Variants in UNC5C observed in about 807,000 individuals in gnomAD.
UNC5C encodes unc-5 netrin receptor C.
UNC5C carries 47 observed loss-of-function variants against 99.8 expected under a neutral mutation model. That is an observed-to-expected ratio of 0.47 (90% CI 0.37 to 0.60). UNC5C has a LOEUF of 0.60. Among genes scored for constraint, UNC5C ranks in the 20% least tolerant of loss-of-function variants. The probability of loss-of-function intolerance (pLI) is 0.00; values close to 1 mark genes in which losing one functional copy is unlikely to be tolerated. For synonymous variants in UNC5C, 487 were observed against 452.2 expected (o/e 1.08, Z -0.98); for missense variants, 1,062 against 1,165.9 (o/e 0.91, Z 1.30).
At chr4:95,179,782 T>TAATA (rs889117278) in intron 14 of UNC5C, among the ~76,000 whole-genome samples, 1 of 150,042 alleles carries the variant, frequency 6.7e-6, no homozygotes, top group Non-Finnish European at 1.5e-5. Context: ...GATGACTGAC[T>TAATA]AATAAATACT....
intron 1 of UNC5C, among the ~76,000 whole-genome samples, chr4:95,421,759 C>T (rs1200032101): frequency 2.0e-5 from 3 of 152,226 alleles, no homozygotes; most frequent in East Asian, 3.9e-4. Flanking sequence ...TAACACTCTT[C>T]TTACTGTGTT....
intron 1 of UNC5C, among the ~76,000 whole-genome samples, chr4:95,407,474 C>A (rs1745862630): frequency 6.6e-6 from 1 of 151,934 alleles, no homozygotes; most frequent in African/African-American, 2.4e-5. Context: ...GAAGCTAAAA[C>A]CAATCATGCT....
intron 3 of UNC5C, among the ~76,000 whole-genome samples, chr4:95,300,888 A>G (rs1741842428): frequency 6.6e-6 from 1 of 152,218 alleles, no homozygotes; most frequent in Non-Finnish European, 1.5e-5. Flanking sequence ...TGATAGTACA[A>G]CAGGGTGACT....
intron 1 of UNC5C, among the ~76,000 whole-genome samples, chr4:95,431,147 A>C (rs1417642133): frequency 6.6e-6 from 1 of 151,980 alleles, no homozygotes; most frequent in Non-Finnish European, 1.5e-5. Flanking sequence ...CTCCCATGCG[A>C]CCTTCAGCTC....
chr4:95,448,217 TGTGTGTGTGTGA>T (rs1181583283), intron 1 of UNC5C, among the ~76,000 whole-genome samples: 3 of 88,446 alleles, frequency 3.4e-5, no homozygotes, highest in African/African-American at 1.2e-4. Flanking sequence ...TGTGTGTGTG[TGTGTGTGTGTGA>T]GAGAGAGAGA....
At chr4:95,477,404 A>G (rs551256634) in intron 1 of UNC5C, among the ~76,000 whole-genome samples, 1 of 152,204 alleles carries the variant, frequency 6.6e-6, no homozygotes, top group Admixed American at 6.6e-5. Context: ...ATATCTAAGA[A>G]AAAATGTCAG....
chr4:95,203,556 G>A lies in UNC5C; in HGVS notation c.1903-592C>T, dbSNP rs550106428. On this transcript the variant is annotated intron_variant, in intron 11 of 15. Transcript: ENST00000453304. Reference sequence around the variant, plus strand: ...AAGATCTCAGCCCACTGCAACCTCCGTCCCCTAGGCCCAAGTGATCCCCCA... The same window carrying A: ...AAGATCTCAGCCCACTGCAACCTCCATCCCCTAGGCCCAAGTGATCCCCCA... Among the ~76,000 whole-genome samples, 411 of 152,108 alleles carry A rather than the reference G, an allele frequency of 2.7e-3. 6 individuals carry two copies. The highest frequency in any genetic ancestry group is 6.8e-3 in the Middle Eastern group (2 of 294).
At chr4:95,472,057 G>T (rs931327987) in intron 1 of UNC5C, among the ~76,000 whole-genome samples, 2 of 152,062 alleles carry the variant, frequency 1.3e-5, no homozygotes, top group African/African-American at 2.4e-5. Flanking sequence ...AATTTCCAAT[G>T]CCCTTGAAAT....
At chr4:95,170,878 A>G (rs540343820) in intron 14 of UNC5C, among the ~76,000 whole-genome samples, 24 of 152,340 alleles carry the variant, frequency 1.6e-4, no homozygotes, top group Admixed American at 1.4e-3. Flanking sequence ...CTCTCCTCTA[A>G]ATGATATCAA....
chr4:95,210,143 A>G (rs1358649822), intron 10 of UNC5C, among the ~76,000 whole-genome samples: 1 of 152,098 alleles, frequency 6.6e-6, no homozygotes, highest in African/African-American at 2.4e-5. Context: ...CACCCCTGGC[A>G]TGCAATATTG....
chr4:95,182,492 G>A (rs1258539058), intron 14 of UNC5C, among the ~76,000 whole-genome samples: 1 of 152,108 alleles, frequency 6.6e-6, no homozygotes, highest in Non-Finnish European at 1.5e-5. Context: ...AGGGAGGAGA[G>A]TTGCTGAGAA....
chr4:95,387,918 TA>T (rs2149444134), intron 1 of UNC5C, among the ~76,000 whole-genome samples: 1 of 152,284 alleles, frequency 6.6e-6, no homozygotes, highest in East Asian at 1.9e-4. Flanking sequence ...GGCAGATAAG[TA>T]AAACCCGTAA....
intron 1 of UNC5C, among the ~76,000 whole-genome samples, chr4:95,364,106 C>T (rs928111172): frequency 6.6e-6 from 1 of 152,184 alleles, no homozygotes; most frequent in Admixed American, 6.6e-5. Context: ...CTCAACCATG[C>T]CGTGAAACTT....
intron 1 of UNC5C, among the ~76,000 whole-genome samples, chr4:95,339,358 G>T (rs1238784854): frequency 6.6e-6 from 1 of 151,888 alleles, no homozygotes; most frequent in Non-Finnish European, 1.5e-5. Context: ...TTAAAGGACT[G>T]CTGAACCCAT....
intron 1 of UNC5C, among the ~76,000 whole-genome samples, chr4:95,451,376 C>T (rs1330435529): frequency 6.6e-6 from 1 of 152,134 alleles, no homozygotes; most frequent in Non-Finnish European, 1.5e-5. Context: ...AAAAAGTAGT[C>T]TGTCATTTCT....
intron 1 of UNC5C, among the ~76,000 whole-genome samples, chr4:95,342,838 C>T (rs1026109052): frequency 6.6e-6 from 1 of 151,882 alleles, no homozygotes; most frequent in Admixed American, 6.6e-5. Flanking sequence ...CTGAAGAGCC[C>T]TTGGGCCTTA....
intron 1 of UNC5C, among the ~76,000 whole-genome samples, chr4:95,513,174 G>C (rs553249370): frequency 1.3e-5 from 2 of 152,138 alleles, no homozygotes; most frequent in African/African-American, 4.8e-5. Context: ...ATTACATCCC[G>C]GCATGTAATG....
intron 12 of UNC5C, among the ~76,000 whole-genome samples, chr4:95,190,774 G>T (rs144166410): frequency 3.3e-5 from 5 of 152,120 alleles, no homozygotes; most frequent in Admixed American, 2.0e-4. Flanking sequence ...CCCAGCGTCC[G>T]CCAGGGATCT....
chr4:95,317,109 T>G (rs1317591792), intron 2 of UNC5C, among the ~76,000 whole-genome samples: 1 of 152,092 alleles, frequency 6.6e-6, no homozygotes, highest in Non-Finnish European at 1.5e-5. Flanking sequence ...ACAAAGGAAA[T>G]CTCTGCACTT....
Sources: allele counts gnomAD v4.1 joint callset (sites outside exome capture counted in the v4.1 genomes callset), GRCh38; gene constraint gnomAD v4.1.1; transcripts MANE v1.5; gene names NCBI Gene and HGNC (gene_info 2026-07-23, HGNC 2026-07-21).